The following SUPT3H variants were observed in gnomAD, a reference collection of about 807,000 sequenced individuals.
The protein encoded by SUPT3H is SPT3 homolog, SAGA and STAGA complex component.
In SUPT3H, 44 loss-of-function variants were observed where a neutral mutation model predicts 44.3. The observed-to-expected ratio is 0.99, with a 90% CI of 0.78 to 1.28. The LOEUF is 1.28. Ranked by LOEUF, SUPT3H falls within the 50% of genes most tolerant of loss-of-function variation. SUPT3H has a pLI of 0.00. For missense variants in SUPT3H, 380 were observed against 387.1 expected (o/e 0.98, Z 0.15); for synonymous variants, 124 against 125.6 (o/e 0.99, Z 0.09).
chr6:45,360,354 A>G (rs1487910736), intron 2 of SUPT3H, among the ~76,000 whole-genome samples: 4 of 152,190 alleles, frequency 2.6e-5, no homozygotes, highest in Non-Finnish European at 4.4e-5. Context: ...ACAAGCATTC[A>G]TTATTATCAC....
chr6:45,319,590 T>C (rs1367383629), intron 2 of SUPT3H, among the ~76,000 whole-genome samples: 1 of 152,140 alleles, frequency 6.6e-6, no homozygotes, highest in Non-Finnish European at 1.5e-5. Flanking sequence ...ACATAAAATA[T>C]TACTTTTCTT....
chr6:44,955,301 A>G (rs1774938545), intron 7 of SUPT3H: 1 of 152,430 alleles, frequency 6.6e-6, no homozygotes, highest in African/African-American at 2.4e-5. Context: ...TTTCTCAGCT[A>G]GGAAGCCGGT....
At chr6:44,819,991 G>C (rs771307041) in intron 11 of SUPT3H, among the ~76,000 whole-genome samples, 6 of 152,110 alleles carry the variant, frequency 3.9e-5, no homozygotes, top group Non-Finnish European at 7.3e-5. Context: ...GGGAAGACAA[G>C]GTGGGCGGAT....
intron 4 of SUPT3H, among the ~76,000 whole-genome samples, chr6:45,016,500 C>T (rs1189998598): frequency 2.8e-5 from 3 of 108,596 alleles, no homozygotes; most frequent in African/African-American, 1.1e-4. Flanking sequence ...CCCCTCCCCC[C>T]ACCCCACAAC....
At chr6:45,078,348 T>A (rs1276234556) in intron 3 of SUPT3H, among the ~76,000 whole-genome samples, 1 of 152,244 alleles carries the variant, frequency 6.6e-6, no homozygotes, top group East Asian at 1.9e-4. Context: ...TTAATTTACA[T>A]TTTTATTTAT....
intron 2 of SUPT3H, among the ~76,000 whole-genome samples, chr6:45,239,210 T>A (rs1769812497): frequency 6.6e-6 from 1 of 152,252 alleles, no homozygotes; most frequent in Non-Finnish European, 1.5e-5. Context: ...GATGAACAAC[T>A]GATGACTTTA....
intron 2 of SUPT3H, among the ~76,000 whole-genome samples, chr6:45,270,025 G>T (rs961595066): frequency 1.4e-4 from 22 of 152,060 alleles, no homozygotes; most frequent in African/African-American, 3.9e-4. Context: ...ACAAATAAGT[G>T]AAATCATGCA....
chr6:45,080,286 A>G (rs1055079753), intron 3 of SUPT3H, among the ~76,000 whole-genome samples: 1 of 152,144 alleles, frequency 6.6e-6, no homozygotes, highest in South Asian at 2.1e-4. Flanking sequence ...CCAAAAGGCA[A>G]TAACAAATAT....
At position 45,365,227 on chromosome 6, in the gene SUPT3H, G is replaced by T; in HGVS notation, c.75C>A (p.Ser25Arg). ...TCATACTCTGTAATTCTGTTGCAAA[G>T]CTTATAGACTTCCCTGTACTCCTTC... ...SSGRSTGKSI[S>R]FATELQSMMY... Residue 25 changes from serine to arginine, a missense_variant, in exon 2 of 11, where the codon AGC (serine) becomes AGA (arginine). By Grantham distance (110) the Ser-to-Arg change is moderately radical. Coordinates refer to ENST00000371459, the MANE Select transcript of SUPT3H (RefSeq NM_003599.4). 1 of 1,611,682 alleles carries T rather than the reference G, an allele frequency of 6.2e-7. No homozygotes were observed. Among genetic ancestry groups the T allele is most frequent in the Non-Finnish European group, 8.5e-7 (1 of 1,178,594 alleles).
At chr6:45,002,844 T>C (rs1335834219) in intron 6 of SUPT3H, among the ~76,000 whole-genome samples, 1 of 147,028 alleles carries the variant, frequency 6.8e-6, no homozygotes, top group Non-Finnish European at 1.5e-5. Context: ...ATCTTCAGCA[T>C]GCATAGAAAC....
chr6:45,136,756 A>G (rs1804348962), intron 2 of SUPT3H, among the ~76,000 whole-genome samples: 1 of 152,168 alleles, frequency 6.6e-6, no homozygotes, highest in African/African-American at 2.4e-5. Flanking sequence ...AAGAGGACAA[A>G]ATGAGTAAAA....
intron 10 of SUPT3H, among the ~76,000 whole-genome samples, chr6:44,911,706 T>C (rs1767079498): frequency 1.3e-5 from 2 of 152,234 alleles, no homozygotes; most frequent in South Asian, 4.1e-4. Context: ...TTACAGTTCA[T>C]GCACTTTACA....
intron 8 of SUPT3H, 88 bp downstream of exon 8, chr6:44,954,407 G>T: frequency 1.1e-6 from 1 of 947,336 alleles, no homozygotes; most frequent in Non-Finnish European, 1.7e-6. Flanking sequence ...ATTACTGGTA[G>T]AGCAGCAGGG....
At position 44,902,632 on chromosome 6, in the gene SUPT3H, A is replaced by G. The variant is rs540929821; in HGVS notation, c.912+30021T>C. On this transcript the variant is annotated intron_variant, in intron 10 of 10. Transcript: ENST00000371459. ...ATTAGACACATCAACGAGACAGAAA[A>G]TTAACAAGGATATCCAGGAATTGAA... Among the ~76,000 whole-genome samples, 5 of 152,198 alleles carry G rather than the reference A, an allele frequency of 3.3e-5. No homozygotes were observed. In the South Asian group the frequency reaches 1.0e-3, roughly 32 times the overall value.
At chr6:45,297,077 T>TAA (rs373194598) in intron 2 of SUPT3H, among the ~76,000 whole-genome samples, 3,154 of 141,430 alleles carry the variant, frequency 0.022, 99 homozygotes, top group African/African-American at 0.069. Flanking sequence ...GAAATAAATT[T>TAA]AAAAAAAAAA....
chr6:45,012,650 G>A (rs1783665287), intron 5 of SUPT3H, among the ~76,000 whole-genome samples: 2 of 151,298 alleles, frequency 1.3e-5, no homozygotes, highest in Admixed American at 1.3e-4. Context: ...CTACATCTGG[G>A]CCCCCAAAAA....
chr6:45,052,049 G>T (rs1432651477), intron 3 of SUPT3H, among the ~76,000 whole-genome samples: 1 of 152,168 alleles, frequency 6.6e-6, no homozygotes, highest in Non-Finnish European at 1.5e-5. Flanking sequence ...ATAGACAAAA[G>T]CACAATGAGC....
chr6:45,315,934 T>TAGAC (rs1784614144), intron 2 of SUPT3H, among the ~76,000 whole-genome samples: 1 of 143,582 alleles, frequency 7.0e-6, no homozygotes. Context: ...GATAGATAGA[T>TAGAC]AGATAGATAG....
chr6:45,191,897 T>C (rs995750000), intron 2 of SUPT3H, among the ~76,000 whole-genome samples: 1 of 152,094 alleles, frequency 6.6e-6, no homozygotes, highest in African/African-American at 2.4e-5. Context: ...GTCATGAGAC[T>C]AAAAAATATT....
Sources: allele counts gnomAD v4.1 joint callset (sites outside exome capture counted in the v4.1 genomes callset), GRCh38; gene constraint gnomAD v4.1.1; transcripts MANE v1.5; gene names NCBI Gene and HGNC (gene_info 2026-07-23, HGNC 2026-07-21).